The following MACROD2 variants were observed in gnomAD, a reference collection of about 807,000 sequenced individuals.
MACROD2 encodes mono-ADP ribosylhydrolase 2, also known as ADP-ribose glycohydrolase MACROD2.
A neutral mutation model predicts 70.4 loss-of-function variants in MACROD2; 36 were observed. That is an observed-to-expected ratio of 0.51 (90% confidence interval 0.39 to 0.68). MACROD2 has a LOEUF of 0.68. MACROD2 is among the 30% of genes least tolerant of loss of function. MACROD2 has a pLI of 0.00. For missense variants in MACROD2, 496 were observed against 538.4 expected, an observed-to-expected ratio of 0.92 and a Z score of 0.78; for synonymous variants, 172 against 178.8, an observed-to-expected ratio of 0.96 and a Z score of 0.30.
chr20:15,447,051 C>CGTGTGCGTGTGTGT (rs370319132), intron 7 of MACROD2, among the ~76,000 whole-genome samples: 1 of 146,554 alleles, frequency 6.8e-6, no homozygotes, highest in Non-Finnish European at 1.5e-5. Context: ...TAAGAGTGTG[C>CGTGTGCGTGTGTGT]GTGTGTGTGT....
intron 2 of MACROD2, among the ~76,000 whole-genome samples, chr20:14,028,950 A>C (rs994896001): frequency 1.3e-5 from 2 of 152,126 alleles, no homozygotes; most frequent in African/African-American, 4.8e-5. Flanking sequence ...AGGAAAGTTG[A>C]TGATATAGCA....
At chr20:15,710,035 G>A (rs992643366) in intron 8 of MACROD2, among the ~76,000 whole-genome samples, 4 of 151,956 alleles carry the variant, frequency 2.6e-5, no homozygotes, top group Non-Finnish European at 4.4e-5. Context: ...ATTTAAAAAC[G>A]GGCTAATGAT....
chr20:15,767,320 C>G (rs2051544525), intron 8 of MACROD2, among the ~76,000 whole-genome samples: 1 of 152,188 alleles, frequency 6.6e-6, no homozygotes, highest in South Asian at 2.1e-4. Context: ...GGACAGCTGC[C>G]TAAGGTTGTA....
In MACROD2 at chr20:14,815,553, T is replaced by C. The variant is rs534434620; in HGVS notation, c.418+130594T>C. On this transcript the variant is annotated intron_variant, in intron 5 of 17. Coordinates refer to ENST00000684519, the MANE Select transcript of MACROD2 (RefSeq NM_001351661.2). ...TCTGCCAACATCTGAATTCCCTCTA[T>C]AGCATTGCAAATGTAAAATTAGTAT... Among the ~76,000 whole-genome samples the C allele has an allele frequency of 9.2e-5, 14 of 152,094 alleles. No individual in the cohort carries two copies. The East Asian group carries it at 1.5e-3, about 17-fold the overall frequency.
chr20:14,060,857 A>G (rs1344243496), intron 2 of MACROD2, among the ~76,000 whole-genome samples: 1 of 152,158 alleles, frequency 6.6e-6, no homozygotes. Flanking sequence ...TGAAACTTCA[A>G]TAGCCTTTGT....
chr20:15,995,761 T>C (rs2066622552), intron 15 of MACROD2, among the ~76,000 whole-genome samples: 1 of 151,576 alleles, frequency 6.6e-6, no homozygotes, highest in African/African-American at 2.4e-5. Flanking sequence ...TTCATCCATG[T>C]TGTCACAAAT....
chr20:14,363,636 C>T (rs557440541), intron 3 of MACROD2, among the ~76,000 whole-genome samples: 1 of 150,918 alleles, frequency 6.6e-6, no homozygotes, highest in African/African-American at 2.4e-5. Flanking sequence ...CTGGCTAACA[C>T]AGTGAAACCC....
At chr20:14,276,744 A>G (rs892780132) in intron 3 of MACROD2, among the ~76,000 whole-genome samples, 14 of 152,166 alleles carry the variant, frequency 9.2e-5, no homozygotes, top group African/African-American at 1.4e-4. Flanking sequence ...ACTACCAGGT[A>G]TGGTCTCATT....
chr20:15,781,572 T>C (rs1162773633), intron 8 of MACROD2, among the ~76,000 whole-genome samples: 10 of 152,180 alleles, frequency 6.6e-5, no homozygotes, highest in Non-Finnish European at 1.5e-4. Flanking sequence ...GGAAGAACAC[T>C]GTGTCCCCAC....
chr20:15,726,352 G>A (rs1013694574), intron 8 of MACROD2, among the ~76,000 whole-genome samples: 3 of 152,022 alleles, frequency 2.0e-5, no homozygotes, highest in African/African-American at 7.2e-5. Context: ...TTAGGTTAAG[G>A]TTTCATGTCT....
intron 8 of MACROD2, among the ~76,000 whole-genome samples, chr20:15,678,543 TAGAGACGAGG>T (rs2050110328): frequency 6.6e-6 from 1 of 152,060 alleles, no homozygotes; most frequent in Non-Finnish European, 1.5e-5. Context: ...GTATTTTTAG[TAGAGACGAGG>T]TTTCGTTATG....
At chr20:15,460,429 A>G (rs2046791378) in intron 7 of MACROD2, among the ~76,000 whole-genome samples, 3 of 152,168 alleles carry the variant, frequency 2.0e-5, no homozygotes, top group African/African-American at 7.2e-5. Context: ...CACGGTTTCC[A>G]CAGAGGTCTT....
intron 6 of MACROD2, among the ~76,000 whole-genome samples, chr20:15,357,372 A>C (rs935182482): frequency 3.3e-5 from 5 of 152,196 alleles, no homozygotes; most frequent in African/African-American, 1.2e-4. Flanking sequence ...CAAGAGAACA[A>C]GAATATGGTA....
At chr20:14,421,582 A>G (rs1252615654) in intron 3 of MACROD2, among the ~76,000 whole-genome samples, 4 of 152,116 alleles carry the variant, frequency 2.6e-5, no homozygotes, top group Non-Finnish European at 4.4e-5. Context: ...GGTGCATCCA[A>G]TAAGTTTTTG....
In MACROD2 at chr20:15,530,900, T is replaced by C. The variant is rs558753364; in HGVS notation, c.645+31053T>C. 2.6e-5 allele frequency among the ~76,000 whole-genome samples: 4 copies of C among 152,206 alleles called. No individual in the cohort carries two copies. In the East Asian group the frequency reaches 7.7e-4, roughly 29 times the overall value. On this transcript the variant is annotated intron_variant, in intron 8 of 17. Transcript: ENST00000684519. ...GAAAATATTTATTTGACACCACTTA[T>C]TGGTTTATTCTTTATCCTTAGATAC...
At chr20:15,175,099 T>TA (rs1027452445) in intron 5 of MACROD2, among the ~76,000 whole-genome samples, 1 of 151,950 alleles carries the variant, frequency 6.6e-6, no homozygotes, top group Non-Finnish European at 1.5e-5. Context: ...TATGCAGCCA[T>TA]AAAAAATGAT....
At chr20:15,653,795 A>G (rs934882216) in intron 8 of MACROD2, among the ~76,000 whole-genome samples, 1 of 152,176 alleles carries the variant, frequency 6.6e-6, no homozygotes, top group Non-Finnish European at 1.5e-5. Flanking sequence ...GGGACTGACT[A>G]TAAATCCCTA....
At chr20:15,475,516 C>G (rs2047011273) in intron 7 of MACROD2, among the ~76,000 whole-genome samples, 1 of 152,200 alleles carries the variant, frequency 6.6e-6, no homozygotes, top group Non-Finnish European at 1.5e-5. Flanking sequence ...TTTAATGCAG[C>G]CTATGGAGGG....
chr20:14,389,308 G>T (rs566864887), intron 3 of MACROD2, among the ~76,000 whole-genome samples: 2 of 151,274 alleles, frequency 1.3e-5, no homozygotes, highest in African/African-American at 2.4e-5. Flanking sequence ...TGTAATCCCA[G>T]CTACTCGGGA....
Sources: allele counts gnomAD v4.1 joint callset (sites outside exome capture counted in the v4.1 genomes callset), GRCh38; gene constraint gnomAD v4.1.1; transcripts MANE v1.5; gene names NCBI Gene and HGNC (gene_info 2026-07-23, HGNC 2026-07-21).